Variants in CHAF1A observed in about 807,000 individuals in gnomAD.
The protein encoded by CHAF1A is chromatin assembly factor 1 subunit A.
CHAF1A carries 5 observed loss-of-function variants against 93.2 expected under a neutral mutation model. That is an observed-to-expected ratio of 0.05 (90% CI 0.03 to 0.11). The LOEUF (loss-of-function observed/expected upper bound fraction) is 0.11, where lower values mean the gene tolerates loss of function less well. Among genes scored for constraint, CHAF1A ranks in the 10% least tolerant of loss-of-function variants. The pLI is 1.00. For missense variants in CHAF1A, 1,102 were observed against 1,259.9 expected (o/e 0.87, Z 1.90); for synonymous variants, 504 against 510.3 (o/e 0.99, Z 0.17).
chr19:4,409,953 G>A (rs1010052177), intron 3 of CHAF1A, among the ~76,000 whole-genome samples, 194 bp downstream of exon 3: 12 of 152,248 alleles, frequency 7.9e-5, no homozygotes, highest in African/African-American at 2.6e-4. Flanking sequence ...GATGCCCCTG[G>A]GACTTAATTC....
At chr19:4,410,440 G>A (rs1024195990) in intron 3 of CHAF1A, among the ~76,000 whole-genome samples, 1 of 149,408 alleles carries the variant, frequency 6.7e-6, no homozygotes, top group Non-Finnish European at 1.5e-5. Flanking sequence ...GAGTTCAGTG[G>A]CGTGATCTCG....
intron 2 of CHAF1A, among the ~76,000 whole-genome samples, chr19:4,408,081 A>C: frequency 6.6e-6 from 1 of 150,760 alleles, no homozygotes. Flanking sequence ...ACCACAGCTC[A>C]CTGCAGCCTC....
chr19:4,433,395 A>G lies in CHAF1A; in HGVS notation c.2529A>G (p.Thr843=), dbSNP rs763807271. ...LPVPCQWSYV[T]SVPSAPKEDS... ...TGCCGTGCCAGTGGAGCTATGTGACATCGGTGCCCTCGGCCCCCAAAGAGG... is the reference window on the plus strand; with the variant it reads ...TGCCGTGCCAGTGGAGCTATGTGACGTCGGTGCCCTCGGCCCCCAAAGAGG... The change falls in exon 13 of 15, where the codon ACA becomes ACG. Residue 843 remains threonine, a synonymous_variant. Transcript: ENST00000301280. This position sits in a 1 kb window ranked among gnomAD's most constrained non-coding sequence, Gnocchi z 5.6. 2 of 1,612,718 alleles carry G rather than the reference A, an allele frequency of 1.2e-6. No individual in the cohort carries two copies. The highest frequency in any genetic ancestry group is 1.3e-5 in the African/African-American group (1 of 75,024).
chr19:4,409,336 T>G lies in CHAF1A; in HGVS notation c.537T>G (p.Ile179Met), dbSNP rs1461786348. ...LAFPGETLSDIPCKTEEEGVG... is the reference protein window; with the variant it reads ...LAFPGETLSDMPCKTEEEGVG... ...TTCCTGGAGAGACCCTTTCAGACAT[T>G]CCTTGCAAAACAGAGGAGGAGGGTG... The change falls in exon 3 of 15, where the codon ATT (isoleucine) becomes ATG (methionine). Residue 179 changes from isoleucine to methionine, a missense_variant. Ile to Met is a conservative substitution (Grantham distance 10, BLOSUM62 1). Around this residue, in one of 6 missense-constraint regions of CHAF1A, gnomAD observed 379 missense variants for 365.7 expected, o/e 1.04. Transcript: ENST00000301280. 6.2e-7 allele frequency: 1 copy of G among 1,614,046 alleles called. No homozygotes were observed. The highest frequency in any genetic ancestry group is 1.7e-5 in the Admixed American group (1 of 60,008).
At position 4,422,708 on chromosome 19, in the gene CHAF1A, G is replaced by A; in HGVS notation, c.1160G>A (p.Arg387Gln). Residue 387 changes from arginine (R) to glutamine (Q), a missense_variant, in exon 5 of 15, where the codon CGG (arginine) becomes CAG (glutamine). Coordinates refer to ENST00000301280, the MANE Select transcript of CHAF1A (RefSeq NM_005483.3). This position sits in a 1 kb window ranked among gnomAD's most constrained non-coding sequence, Gnocchi z 4.6. ...AAGGAGCTTAAGGAAAAGGAGAGGC[G>A]GGAGAAGCGGGAGAAGGATGAGAAG... is the stretch of plus-strand genomic sequence containing the variant. ...EEKELKEKERREKREKDEKEK... is the reference protein window; with the variant it reads ...EEKELKEKERQEKREKDEKEK... 2.5e-6 allele frequency: 4 copies of A among 1,605,806 alleles called. No individual in the cohort carries two copies. The highest frequency in any genetic ancestry group is 2.7e-5 in the African/African-American group (2 of 74,916).
chr19:4,437,788 G>A lies in CHAF1A; in HGVS notation c.2673+4249G>A, dbSNP rs192674062. Reference sequence around the variant, plus strand: ...GGAGTCTCGCTCTGTCGCCCAGGCTGGAGTGCAGTGGTGCGATCTCAGCTC... The same window carrying A: ...GGAGTCTCGCTCTGTCGCCCAGGCTAGAGTGCAGTGGTGCGATCTCAGCTC... On this transcript the variant is annotated intron_variant, in intron 13 of 14. Transcript: ENST00000301280. Among the ~76,000 whole-genome samples the A allele has an allele frequency of 2.8e-3, 430 of 151,820 alleles. 2 individuals carry two copies. Among genetic ancestry groups the A allele is most frequent in the African/African-American group, 0.01 (422 of 41,360 alleles).
chr19:4,448,486 A>T (rs1974587928), downstream of CHAF1A: 7 of 1,275,676 alleles, frequency 5.5e-6, no homozygotes, highest in Admixed American at 1.4e-4. Flanking sequence ...TGCCCAGGTA[A>T]CAGGGGCAGG....
chr19:4,403,890 C>T (rs968255254), intron 1 of CHAF1A, among the ~76,000 whole-genome samples: 6 of 152,180 alleles, frequency 3.9e-5, no homozygotes, highest in Admixed American at 6.5e-5. Context: ...GAGTCTTGCT[C>T]TGTTGCCCAA....
At chr19:4,416,342 T>C (rs1973897126) in intron 3 of CHAF1A, among the ~76,000 whole-genome samples, 1 of 152,200 alleles carries the variant, frequency 6.6e-6, no homozygotes, top group African/African-American at 2.4e-5. Context: ...GCTCTTCACT[T>C]CTACTAGTTT....
At chr19:4,441,460 T>C (rs1974387085) in intron 13 of CHAF1A, among the ~76,000 whole-genome samples, 1 of 150,844 alleles carries the variant, frequency 6.6e-6, no homozygotes, top group South Asian at 2.1e-4. Flanking sequence ...ATACAAAAAT[T>C]AGCTGGGCGT....
chr19:4,432,998 T>G, intron 12 of CHAF1A, 72 bp from the exon 13 acceptor site: 14 of 1,187,048 alleles, frequency 1.2e-5, no homozygotes, highest in Non-Finnish European at 1.5e-5. Flanking sequence ...CTTGTGTATG[T>G]GTTTTGTTTT....
downstream of CHAF1A, chr19:4,448,337 C>G (rs761106610): frequency 2.5e-6 from 4 of 1,608,664 alleles, no homozygotes; most frequent in Non-Finnish European, 3.4e-6. Context: ...GTGTCCACAC[C>G]CAGCTTCACC....
chr19:4,415,105 G>A (rs956949190), intron 3 of CHAF1A, among the ~76,000 whole-genome samples: 3 of 152,110 alleles, frequency 2.0e-5, no homozygotes, highest in Non-Finnish European at 4.4e-5. Flanking sequence ...CCTGGATCAC[G>A]TTTTTGGCAG....
At position 4,432,092 on chromosome 19, in the gene CHAF1A, C is replaced by T. The variant is rs775096632; in HGVS notation, c.2088C>T (p.Cys696=). 8.1e-6 allele frequency: 13 copies of T among 1,614,006 alleles called. No individual in the cohort carries two copies. Among genetic ancestry groups the T allele is most frequent in the African/African-American group, 4.0e-5 (3 of 75,014 alleles). The change falls in exon 12 of 15, where the codon TGC becomes TGT. Residue 696 remains cysteine (C), a synonymous_variant. Coordinates refer to ENST00000301280, the MANE Select transcript of CHAF1A (RefSeq NM_005483.3). Reference sequence around the variant, plus strand: ...GCGTGTGGGCGGCTGACAGAGACTGCGCAGGCGATGACCTGAAGGTACTGC... The same window carrying T: ...GCGTGTGGGCGGCTGACAGAGACTGTGCAGGCGATGACCTGAAGGTACTGC... ...IGCVWAADRD[C]AGDDLKVLQQ...
chr19:4,406,484 G>A (rs957571103), intron 2 of CHAF1A, among the ~76,000 whole-genome samples: 1 of 149,882 alleles, frequency 6.7e-6, no homozygotes, highest in African/African-American at 2.5e-5. Context: ...GCCCAGGCTG[G>A]AGTGCAGTGG....
At chr19:4,417,753 G>T (rs1271303403) in intron 3 of CHAF1A, among the ~76,000 whole-genome samples, 6 of 152,124 alleles carry the variant, frequency 3.9e-5, no homozygotes, top group Non-Finnish European at 8.8e-5. Flanking sequence ...TAGCCACCGC[G>T]CCCAGCCTTG....
chr19:4,443,122 C>T lies in CHAF1A; in HGVS notation c.*97C>T. Reference sequence around the variant, plus strand: ...CCTGTGTAAAGAGCACTTTGTCCTGCTTCACGGACCTCCCCAAAGTGTGCA... The same window carrying T: ...CCTGTGTAAAGAGCACTTTGTCCTGTTTCACGGACCTCCCCAAAGTGTGCA... On this transcript the variant is annotated 3_prime_UTR_variant, in exon 15 of 15. Coordinates refer to ENST00000301280, the MANE Select transcript of CHAF1A (RefSeq NM_005483.3). 2 of 798,666 alleles carry T rather than the reference C, an allele frequency of 2.5e-6. No individual in the cohort carries two copies. Among genetic ancestry groups the T allele is most frequent in the Non-Finnish European group, 4.3e-6 (2 of 460,140 alleles). 49.5% of individuals were successfully genotyped at this position (798,666 alleles called of 1,614,324 possible). A position where few individuals can be genotyped will look rare whatever the true frequency, so the allele number is the denominator to read the frequency against.
At chr19:4,424,618 C>T (rs142553757) in intron 7 of CHAF1A, among the ~76,000 whole-genome samples, 107 of 152,218 alleles carry the variant, frequency 7.0e-4, no homozygotes, top group African/African-American at 2.5e-3. Flanking sequence ...GCATGTGCCA[C>T]CATGCCTGGC....
intron 13 of CHAF1A, among the ~76,000 whole-genome samples, chr19:4,436,320 G>C (rs1383163388): frequency 6.6e-6 from 1 of 152,130 alleles, no homozygotes; most frequent in Admixed American, 6.5e-5. Flanking sequence ...AGGGTCCAGG[G>C]CTACGACTGA....
Sources: allele counts gnomAD v4.1 joint callset (sites outside exome capture counted in the v4.1 genomes callset), GRCh38; gene constraint gnomAD v4.1.1; regional missense constraint gnomAD v4.1.1; non-coding constraint Gnocchi (gnomAD v3.1); transcripts MANE v1.5; gene names NCBI Gene and HGNC (gene_info 2026-07-23, HGNC 2026-07-21).